The following FER1L6 variants were observed in gnomAD, a reference collection of about 807,000 sequenced individuals.
FER1L6 encodes fer-1 like family member 6.
A neutral mutation model predicts 219.2 loss-of-function variants in FER1L6; 177 were observed. The observed-to-expected ratio is 0.81, with a 90% CI of 0.71 to 0.91. FER1L6 has a LOEUF of 0.91. Ranked by LOEUF, FER1L6 falls within the 40% of genes least tolerant of loss-of-function variation. The pLI, the probability that FER1L6 is intolerant of heterozygous loss-of-function variation, is 0.00. For missense variants in FER1L6, 2,153 were observed against 2,259.9 expected (o/e 0.95, Z 0.96); for synonymous variants, 768 against 824.3 (o/e 0.93, Z 1.17).
At chr8:123,999,782 C>T (rs1817321479) in intron 12 of FER1L6, among the ~76,000 whole-genome samples, 1 of 152,184 alleles carries the variant, frequency 6.6e-6, no homozygotes, top group Non-Finnish European at 1.5e-5. Context: ...AGTTGAAAGA[C>T]AAGGTCGTCT....
chr8:124,098,402 A>G (rs967951396), intron 37 of FER1L6, among the ~76,000 whole-genome samples: 1 of 152,130 alleles, frequency 6.6e-6, no homozygotes, highest in South Asian at 2.1e-4. Context: ...ATAGCATCAG[A>G]AAACAGGTGA....
intron 1 of FER1L6, among the ~76,000 whole-genome samples, chr8:123,901,961 C>T (rs978237018): frequency 5.3e-5 from 8 of 151,950 alleles, no homozygotes; most frequent in Admixed American, 3.3e-4. Flanking sequence ...ACTTCGTTAT[C>T]CCCCACCTCA....
chr8:123,946,734 C>G (rs1340848040), intron 1 of FER1L6, among the ~76,000 whole-genome samples: 1 of 152,164 alleles, frequency 6.6e-6, no homozygotes, highest in East Asian at 1.9e-4. Context: ...CCTCCCACAT[C>G]TGAACCCTTG....
chr8:123,982,924 G>C (rs2130351487), intron 11 of FER1L6, among the ~76,000 whole-genome samples: 1 of 152,320 alleles, frequency 6.6e-6, no homozygotes, highest in East Asian at 1.9e-4. Flanking sequence ...GAGGGAGCAA[G>C]ACTGAAACTG....
chr8:123,922,016 G>A (rs7826132), intron 1 of FER1L6, among the ~76,000 whole-genome samples: 69,821 of 152,032 alleles, frequency 0.46, 16,878 homozygotes, highest in South Asian at 0.71. Context: ...TTGTGAAACA[G>A]TCTGGCCAGT....
chr8:124,080,950 TGTCA>T (rs1324597850), intron 32 of FER1L6, among the ~76,000 whole-genome samples: 1 of 152,240 alleles, frequency 6.6e-6, no homozygotes, highest in Non-Finnish European at 1.5e-5. Flanking sequence ...CAGCCACTTC[TGTCA>T]GTTACAGTCA....
At chr8:123,988,840 C>T (rs1036349463) in intron 12 of FER1L6, among the ~76,000 whole-genome samples, 1 of 152,112 alleles carries the variant, frequency 6.6e-6, no homozygotes, top group African/African-American at 2.4e-5. Context: ...TGATTTCTCT[C>T]TCTAGGACTC....
chr8:123,931,560 A>C (rs918912146), intron 1 of FER1L6, among the ~76,000 whole-genome samples: 1 of 152,212 alleles, frequency 6.6e-6, no homozygotes, highest in Non-Finnish European at 1.5e-5. Flanking sequence ...TATCCAACCC[A>C]CTGCAATAGG....
At chr8:124,052,739 C>T (rs1330387727) in intron 22 of FER1L6, among the ~76,000 whole-genome samples, 4 of 152,138 alleles carry the variant, frequency 2.6e-5, no homozygotes, top group South Asian at 4.2e-4. Flanking sequence ...GAGCCGAGAT[C>T]GTGTCACTGC....
rs1425761658 is a variant in FER1L6, at chr8:123,856,298, A to ATGTGTGTG, written c.-8+4114_-8+4115insGTGTGTGT. Among the ~76,000 whole-genome samples the ATGTGTGTG allele has an allele frequency of 6.5e-4, 47 of 72,612 alleles. 1 individual carries two copies. The highest frequency in any genetic ancestry group is 2.4e-3 in the African/African-American group (46 of 18,856). The allele number at this position is 72,612 out of a possible 152,430, so 47.6% of individuals were successfully genotyped here. On this transcript the variant is annotated intron_variant, in intron 1 of 40. Coordinates refer to ENST00000522917, the MANE Select transcript of FER1L6 (RefSeq NM_001039112.2). The stretch of plus-strand genomic sequence containing the variant: ...TGTGTATATATGTGTGTGTGTATAT[A>ATGTGTGTG]TATATATATATGTATGTGTATATAT...
chr8:123,924,467 G>A (rs946116832), intron 1 of FER1L6, among the ~76,000 whole-genome samples: 5 of 151,924 alleles, frequency 3.3e-5, no homozygotes, highest in South Asian at 4.2e-4. Context: ...GCTTGAACCC[G>A]GGAGGCAGAG....
chr8:124,101,202 T>C lies in FER1L6; in HGVS notation c.4989T>C (p.Tyr1663=). ...GGCGCTTCCTGTTTCCCTTTCAGTA[T>C]CTCCCAGCTGAGAAGCAAATGGTCA... ...FNWRFLFPFQ[Y]LPAEKQMVIT... is the part of the protein sequence containing the mutation. Residue 1663 remains tyrosine, a synonymous_variant, in exon 38 of 41, where the codon TAT becomes TAC. Coordinates refer to ENST00000522917, the MANE Select transcript of FER1L6 (RefSeq NM_001039112.2). 1 of 1,613,886 alleles carries C rather than the reference T, an allele frequency of 6.2e-7. No individual in the cohort carries two copies. The highest frequency in any genetic ancestry group is 8.5e-7 in the Non-Finnish European group (1 of 1,179,970).
chr8:124,039,965 T>A lies in FER1L6; in HGVS notation c.2548T>A (p.Phe850Ile). The A allele has an allele frequency of 6.2e-7, 1 of 1,614,088 alleles. No individual in the cohort carries two copies. The highest frequency in any genetic ancestry group is 8.5e-7 in the Non-Finnish European group (1 of 1,179,990). The change falls in exon 20 of 41, where the codon TTT (phenylalanine) becomes ATT (isoleucine). Residue 850 changes from phenylalanine to isoleucine, a missense_variant. Phe to Ile is a conservative substitution (Grantham distance 21, BLOSUM62 0). Coordinates refer to ENST00000522917, the MANE Select transcript of FER1L6 (RefSeq NM_001039112.2). ...TGACAGCAATGGACTTTCAGACCCT[T>A]TTGCCAAAGTCACGTTCCTTTCTCA... ...AADSNGLSDP[F>I]AKVTFLSHCQ...
At chr8:124,113,816 T>G (rs1015218972) in intron 39 of FER1L6, among the ~76,000 whole-genome samples, 1 of 152,238 alleles carries the variant, frequency 6.6e-6, no homozygotes. Context: ...ATCAAGTTGT[T>G]TAATATGTGA....
chr8:124,081,138 G>A (rs766887541), intron 32 of FER1L6, among the ~76,000 whole-genome samples: 3 of 152,108 alleles, frequency 2.0e-5, no homozygotes, highest in South Asian at 2.1e-4. Flanking sequence ...TAATGGGCTC[G>A]CATTCTCCTT....
intron 20 of FER1L6, among the ~76,000 whole-genome samples, 192 bp from the exon 21 acceptor site, chr8:124,045,575 G>A (rs1819689468): frequency 6.6e-6 from 1 of 152,216 alleles, no homozygotes; most frequent in Non-Finnish European, 1.5e-5. Context: ...ACGGTTGGGA[G>A]TCTTTGTGTT....
intron 33 of FER1L6, 118 bp from the exon 34 acceptor site, chr8:124,091,305 A>C (rs909471249): frequency 2.6e-5 from 19 of 735,896 alleles, no homozygotes; most frequent in Admixed American, 1.5e-4. Flanking sequence ...GAGAGAAAAC[A>C]AACCCCCTAA....
At position 124,098,762 on chromosome 8, in the gene FER1L6, C is replaced by T. The variant is rs565911180; in HGVS notation, c.4883+879C>T. ...AATATGGAAGGATTCTGGGAGAGTT[C>T]GGGTTGAGACTTCCAGAAGCTGACC... On this transcript the variant is annotated intron_variant, in intron 37 of 40. Coordinates refer to ENST00000522917, the MANE Select transcript of FER1L6 (RefSeq NM_001039112.2). Among the ~76,000 whole-genome samples, 28 of 152,092 alleles carry T rather than the reference C, an allele frequency of 1.8e-4. No homozygotes were observed. The East Asian group carries it at 5.2e-3, about 28-fold the overall frequency.
chr8:124,094,415 T>C (rs1206577529), intron 34 of FER1L6, among the ~76,000 whole-genome samples: 1 of 152,124 alleles, frequency 6.6e-6, no homozygotes, highest in African/African-American at 2.4e-5. Context: ...CCTTCCCTTC[T>C]ATCTCTCCAC....
Sources: gnomAD v4.1 joint callset for allele counts (sites outside exome capture counted in the v4.1 genomes callset) on GRCh38, gnomAD v4.1.1 for gene constraint, MANE v1.5 for transcripts, NCBI Gene and HGNC (gene_info 2026-07-23, HGNC 2026-07-21) for gene names.